Variants in DNAH14 observed in about 807,000 individuals in gnomAD.
The protein encoded by DNAH14 is dynein axonemal heavy chain 14.
In DNAH14, 478 loss-of-function variants were observed where a neutral mutation model predicts 520.9. That is an observed-to-expected ratio of 0.92 (90% CI 0.85 to 0.99). The LOEUF (loss-of-function observed/expected upper bound fraction) is 0.99. Among genes scored for constraint, DNAH14 ranks in the 50% least tolerant of loss-of-function variants. The pLI is 0.00. For missense variants in DNAH14, 4,831 were observed against 5,234.5 expected, an observed-to-expected ratio of 0.92 and a Z score of 2.38; for synonymous variants, 1,581 against 1,757.2, an observed-to-expected ratio of 0.90 and a Z score of 2.51.
At chr1:225,334,196 T>G (rs1429174683) in intron 66 of DNAH14, among the ~76,000 whole-genome samples, 1 of 152,156 alleles carries the variant, frequency 6.6e-6, no homozygotes, top group Admixed American at 6.5e-5. Context: ...GCCAGAACTT[T>G]GGGATGCCCA....
intron 81 of DNAH14, among the ~76,000 whole-genome samples, chr1:225,384,925 A>T (rs1315763195): frequency 6.6e-6 from 1 of 152,212 alleles, no homozygotes; most frequent in African/African-American, 2.4e-5. Flanking sequence ...GACACAACAA[A>T]AAAAGAGAAT....
chr1:225,305,966 C>T (rs12035153), intron 58 of DNAH14, among the ~76,000 whole-genome samples: 21,169 of 152,180 alleles, frequency 0.14, 1,762 homozygotes, highest in South Asian at 0.21. Flanking sequence ...CAGCCAAGCT[C>T]CGTGTCTGGA....
Position 225,398,542 on chromosome 1 carries a change from G to C in DNAH14, c.13514G>C (p.Gly4505Ala). ...AFKGSASSHT[G>A]VYIFGLFIEG... ...TAGGGCTCAGCTTCCTCTCACACTG[G>C]AGTTTACATTTTTGGTTTATTCATC... Residue 4505 changes from glycine to alanine, a missense_variant, in exon 85 of 86, where the codon GGA becomes GCA. Gly to Ala is a moderately conservative substitution (Grantham distance 60). Coordinates refer to ENST00000682510, the MANE Select transcript of DNAH14 (RefSeq NM_001367479.1). 6.4e-7 allele frequency: 1 copy of C among 1,551,684 alleles called. No individual in the cohort carries two copies. Among genetic ancestry groups the C allele is most frequent in the East Asian group, 2.4e-5 (1 of 40,922 alleles).
At chr1:225,144,877 T>A (rs2079780611) in intron 29 of DNAH14, among the ~76,000 whole-genome samples, 1 of 151,490 alleles carries the variant, frequency 6.6e-6, no homozygotes, top group African/African-American at 2.4e-5. Context: ...GACTAACATG[T>A]GAATGATTAA....
At chr1:225,158,231 A>T (rs1470558728) in intron 34 of DNAH14, among the ~76,000 whole-genome samples, 1 of 152,202 alleles carries the variant, frequency 6.6e-6, no homozygotes, top group Non-Finnish European at 1.5e-5. Flanking sequence ...ATAGAGTAAC[A>T]TATGTAGTAT....
At chr1:224,957,955 G>A (rs1336762275) in intron 3 of DNAH14, among the ~76,000 whole-genome samples, 7 of 152,074 alleles carry the variant, frequency 4.6e-5, no homozygotes, top group Admixed American at 3.9e-4. Context: ...AAGAAAAAAG[G>A]AGTAGTTAAT....
chr1:224,942,279 G>A lies in DNAH14; in HGVS notation c.-33-10391G>A, dbSNP rs183479730. Among the ~76,000 whole-genome samples, 1,065 of 152,266 alleles carry A rather than the reference G, an allele frequency of 7.0e-3. 8 individuals carry two copies. Among genetic ancestry groups the A allele is most frequent in the African/African-American group, 0.024 (997 of 41,548 alleles). On this transcript the variant is annotated intron_variant, in intron 1 of 85. Coordinates refer to ENST00000682510, the MANE Select transcript of DNAH14 (RefSeq NM_001367479.1). Reference sequence around the variant, plus strand: ...TATTCTCTTTGAAGCAATTGTGAATGGGAGTTCACTCATGATTTGGCTCTC... The same window carrying A: ...TATTCTCTTTGAAGCAATTGTGAATAGGAGTTCACTCATGATTTGGCTCTC...
chr1:225,189,997 T>A (rs1298570441), intron 37 of DNAH14, among the ~76,000 whole-genome samples: 1 of 151,864 alleles, frequency 6.6e-6, no homozygotes, highest in Non-Finnish European at 1.5e-5. Flanking sequence ...AGGGTCTGAA[T>A]TGTGTCCCCC....
intron 17 of DNAH14, among the ~76,000 whole-genome samples, chr1:225,067,874 G>T (rs2071084057): frequency 1.3e-5 from 2 of 152,166 alleles, no homozygotes; most frequent in South Asian, 4.1e-4. Flanking sequence ...TGACTAGTTT[G>T]CAAAAATTTT....
chr1:224,948,001 G>A (rs750945834), intron 1 of DNAH14, among the ~76,000 whole-genome samples: 7 of 151,718 alleles, frequency 4.6e-5, no homozygotes, highest in Non-Finnish European at 1.0e-4. Context: ...TATGTATTCT[G>A]CACTTCTTGA....
At chr1:225,398,997 GCTA>G in intron 85 of DNAH14, 54 bp from the exon 86 acceptor site, 1 of 1,258,416 alleles carries the variant, frequency 7.9e-7, no homozygotes, top group South Asian at 1.4e-5. Context: ...GAAAATGTGA[GCTA>G]CTGATTCACT....
At chr1:225,380,605 G>T (rs1404140113) in intron 80 of DNAH14, among the ~76,000 whole-genome samples, 1 of 152,198 alleles carries the variant, frequency 6.6e-6, no homozygotes, top group Non-Finnish European at 1.5e-5. Flanking sequence ...TTTGGAGATT[G>T]TCAAGAGTTC....
chr1:225,005,958 C>A (rs916197552), intron 9 of DNAH14, among the ~76,000 whole-genome samples: 3 of 152,094 alleles, frequency 2.0e-5, no homozygotes, highest in Admixed American at 2.0e-4. Context: ...CCTCTTTATG[C>A]TGTGTTGTGG....
intron 23 of DNAH14, among the ~76,000 whole-genome samples, chr1:225,108,337 G>T (rs913722716): frequency 6.6e-6 from 1 of 152,076 alleles, no homozygotes; most frequent in Non-Finnish European, 1.5e-5. Context: ...TGGCTTCCTT[G>T]CTCCTCAGCT....
At chr1:225,013,094 G>C (rs566150704) in intron 10 of DNAH14, among the ~76,000 whole-genome samples, 6 of 152,094 alleles carry the variant, frequency 3.9e-5, no homozygotes, top group African/African-American at 1.4e-4. Context: ...CCTCATCTTC[G>C]TGGATTTATC....
intron 21 of DNAH14, among the ~76,000 whole-genome samples, chr1:225,095,759 C>G (rs757451055): frequency 1.3e-5 from 2 of 152,062 alleles, no homozygotes; most frequent in Non-Finnish European, 2.9e-5. Context: ...TTGTATGATT[C>G]TGTTTATATA....
At chr1:225,141,093 A>C in intron 28 of DNAH14, 72 bp downstream of exon 28, 2 of 1,365,356 alleles carry the variant, frequency 1.5e-6, no homozygotes, top group Non-Finnish European at 1.9e-6. Context: ...TTGATTCTCT[A>C]CCTCACACTT....
chr1:225,145,240 A>G, intron 29 of DNAH14, 86 bp from the exon 30 acceptor site: 2 of 1,100,052 alleles, frequency 1.8e-6, no homozygotes, highest in Non-Finnish European at 2.6e-6. Flanking sequence ...TCAAAAGCAT[A>G]AAGACATTTT....
rs764036280 is a variant in DNAH14 at position 225,374,851 on chromosome 1, T to G, written c.12482T>G (p.Val4161Gly). ...TLLYKFCNPE[V>G]LKDDFSFSSD... ...CTCTACAAATTTTGTAATCCTGAAG[T>G]GCTGAAAGATGACTTCAGTTTCTCC... The change falls in exon 78 of 86, where the codon GTG (valine) becomes GGG (glycine). Residue 4161 changes from valine (V) to glycine (G), a missense_variant. Coordinates refer to ENST00000682510, the MANE Select transcript of DNAH14 (RefSeq NM_001367479.1). 16 of 1,550,638 alleles carry G rather than the reference T, an allele frequency of 1.0e-5. No homozygotes were observed. In the South Asian group the frequency reaches 1.9e-4, roughly 18 times the overall value.
Sources: gnomAD v4.1 joint callset for allele counts (sites outside exome capture counted in the v4.1 genomes callset) on GRCh38, gnomAD v4.1.1 for gene constraint, MANE v1.5 for transcripts, NCBI Gene and HGNC (gene_info 2026-07-23, HGNC 2026-07-21) for gene names.